COBL: variants seen among roughly 807,000 people sequenced by gnomAD.
COBL encodes cordon-bleu WH2 repeat protein, also known as protein cordon-bleu.
In COBL, 51 loss-of-function variants were observed where a neutral mutation model predicts 98.8. The observed-to-expected ratio is 0.52, with a 90% CI of 0.41 to 0.65. COBL has a LOEUF of 0.65. COBL is among the 30% of genes least tolerant of loss of function. The probability of loss-of-function intolerance (pLI) is 0.00; values close to 1 mark genes in which losing one functional copy is unlikely to be tolerated. For missense variants in COBL, 1,617 were observed against 1,617.5 expected (o/e 1.00, Z 0.01); for synonymous variants, 634 against 651.7 (o/e 0.97, Z 0.41).
intron 1 of COBL, among the ~76,000 whole-genome samples, chr7:51,273,055 G>A (rs184928940): frequency 7.3e-4 from 111 of 152,210 alleles, no homozygotes; most frequent in African/African-American, 2.5e-3. Flanking sequence ...AAAGCCAGGC[G>A]CAGTGGCTCA....
chr7:51,131,850 C>T (rs569377453), intron 6 of COBL, among the ~76,000 whole-genome samples: 288 of 152,300 alleles, frequency 1.9e-3, no homozygotes, highest in Non-Finnish European at 3.6e-3. Context: ...CCTTGGCCTC[C>T]CAAAGTGCTG....
intron 1 of COBL, among the ~76,000 whole-genome samples, chr7:51,239,572 G>A (rs1795581184): frequency 6.6e-6 from 1 of 152,168 alleles, no homozygotes; most frequent in Non-Finnish European, 1.5e-5. Context: ...CTATGGAGTA[G>A]CCATTCTTTT....
chr7:51,051,444 G>C (rs1013804966), intron 7 of COBL, among the ~76,000 whole-genome samples: 1 of 152,162 alleles, frequency 6.6e-6, no homozygotes, highest in African/African-American at 2.4e-5. Context: ...ATGATCTACT[G>C]AAATTTTCTG....
chr7:51,181,433 G>A (rs1788941067), intron 5 of COBL, among the ~76,000 whole-genome samples: 4 of 152,190 alleles, frequency 2.6e-5, no homozygotes, highest in Admixed American at 2.6e-4. Context: ...TACACTGGAT[G>A]CCATAACTCA....
rs115289321 is a variant in COBL, at chr7:51,132,051, C to G, written c.957+4107G>C. ...AGGAGAGGATGCTGGTATTGTTTAACAGAATGAACCTGCTGCAGCGCCTTG... is the reference window on the plus strand; with the variant it reads ...AGGAGAGGATGCTGGTATTGTTTAAGAGAATGAACCTGCTGCAGCGCCTTG... On this transcript the variant is annotated intron_variant, in intron 6 of 12. Transcript: ENST00000265136. Among the ~76,000 whole-genome samples the G allele has an allele frequency of 4.1e-3, 628 of 152,340 alleles. 2 individuals carry two copies. Among genetic ancestry groups the G allele is most frequent in the African/African-American group, 0.014 (580 of 41,580 alleles).
At chr7:51,189,490 C>T (rs1466090892) in intron 4 of COBL, among the ~76,000 whole-genome samples, 7 of 152,078 alleles carry the variant, frequency 4.6e-5, no homozygotes, top group Middle Eastern at 3.4e-3. Context: ...AAAAATTAGC[C>T]GGGCATGGTG....
At chr7:51,103,152 CT>C (rs1299127520) in intron 6 of COBL, among the ~76,000 whole-genome samples, 1 of 152,232 alleles carries the variant, frequency 6.6e-6, no homozygotes, top group South Asian at 2.1e-4. Context: ...TCAGCAGCCC[CT>C]ATCCCCCATT....
At chr7:51,228,410 AAAG>A (rs1443097614) in intron 1 of COBL, among the ~76,000 whole-genome samples, 2 of 151,820 alleles carry the variant, frequency 1.3e-5, no homozygotes, top group Admixed American at 6.6e-5. Flanking sequence ...ATTAAAAAAA[AAAG>A]AAGCAGGCCT....
rs114724540 is a variant in COBL, at chr7:51,175,054, C to T, written c.783+9048G>A. On this transcript the variant is annotated intron_variant, in intron 5 of 12. Transcript: ENST00000265136. ...GGTGAGACCTCCTGAATCCGGACCACCCTATGATTTTCACCTGGGCTGCCC... is the reference window on the plus strand; with the variant it reads ...GGTGAGACCTCCTGAATCCGGACCATCCTATGATTTTCACCTGGGCTGCCC... Among the ~76,000 whole-genome samples the T allele has an allele frequency of 9.1e-3, 1,390 of 152,316 alleles. 16 individuals are homozygous for T. Among genetic ancestry groups the T allele is most frequent in the African/African-American group, 0.032 (1,323 of 41,566 alleles).
intron 2 of COBL, among the ~76,000 whole-genome samples, chr7:51,205,390 G>C (rs1397659813): frequency 6.6e-6 from 1 of 151,934 alleles, no homozygotes; most frequent in Admixed American, 6.6e-5. Context: ...TCTTTGCCAA[G>C]GATGCCAAGA....
rs188005541 is a variant in COBL, at chr7:51,192,808, G to C, written c.456+571C>G. ...CTGGGAAGATGTTTAAATCTTCTAT[G>C]GATACCAACTGCTTCCTGAGTCAGG... On this transcript the variant is annotated intron_variant, in intron 3 of 12. Transcript: ENST00000265136. 7.2e-5 allele frequency among the ~76,000 whole-genome samples: 11 copies of C among 151,954 alleles called. No homozygotes were observed. The East Asian group carries it at 1.7e-3, about 24-fold the overall frequency.
At chr7:51,039,876 C>T (rs761027105) in intron 8 of COBL, among the ~76,000 whole-genome samples, 8 of 152,164 alleles carry the variant, frequency 5.3e-5, no homozygotes, top group Non-Finnish European at 1.2e-4. Context: ...TTTCTGGCTT[C>T]TCTTCAAAAA....
At position 51,256,430 on chromosome 7, in the gene COBL, C is replaced by T. The variant is rs1225131423; in HGVS notation, c.42-36486G>A. 2.6e-5 allele frequency among the ~76,000 whole-genome samples: 4 copies of T among 152,196 alleles called. No homozygotes were observed. In the East Asian group the frequency reaches 7.7e-4, roughly 29 times the overall value. ...GTGTCAGGAGGGCCCACTGCTGGGG[C>T]TTTCAGTGCACACAATAACTCACAG... On this transcript the variant is annotated intron_variant, in intron 1 of 12. Coordinates refer to ENST00000265136, the MANE Select transcript of COBL (RefSeq NM_015198.5).
chr7:51,148,596 A>G (rs971703729), intron 5 of COBL, among the ~76,000 whole-genome samples: 7 of 151,888 alleles, frequency 4.6e-5, no homozygotes, highest in Admixed American at 6.6e-5. Context: ...CTTACTCCCA[A>G]ATTTTCTTGA....
At chr7:51,220,021 T>C (rs557058644) in intron 1 of COBL, 77 bp from the exon 2 acceptor site, 3 of 1,390,946 alleles carry the variant, frequency 2.2e-6, no homozygotes, top group African/African-American at 2.9e-5. Flanking sequence ...TTCTTACACA[T>C]ACTCAGGTCT....
chr7:51,113,170 T>A (rs1796987616), intron 6 of COBL, among the ~76,000 whole-genome samples: 1 of 152,168 alleles, frequency 6.6e-6, no homozygotes, highest in Admixed American at 6.5e-5. Context: ...CTATGCTTCA[T>A]CACAAGTTTC....
At chr7:51,128,874 T>C (rs1394960410) in intron 6 of COBL, among the ~76,000 whole-genome samples, 1 of 152,232 alleles carries the variant, frequency 6.6e-6, no homozygotes, top group Non-Finnish European at 1.5e-5. Flanking sequence ...ATGGGCCTGC[T>C]TGTGCCCTTA....
At chr7:51,305,442 C>A (rs889847884) in intron 1 of COBL, among the ~76,000 whole-genome samples, 1 of 152,128 alleles carries the variant, frequency 6.6e-6, no homozygotes, top group African/African-American at 2.4e-5. Context: ...ACCTCATCTA[C>A]AAAGCAATAT....
At chr7:51,259,286 C>CAAAAA (rs778118572) in intron 1 of COBL, 9 of 76,700 alleles carry the variant, frequency 1.2e-4, no homozygotes, top group African/African-American at 3.5e-4. Context: ...GACTCCAGCT[C>CAAAAA]AAAAAAAAAA....
Sources: allele counts gnomAD v4.1 joint callset (sites outside exome capture counted in the v4.1 genomes callset), GRCh38; gene constraint gnomAD v4.1.1; transcripts MANE v1.5; gene names NCBI Gene and HGNC (gene_info 2026-07-23, HGNC 2026-07-21).